The following CACNA2D3 variants were observed in gnomAD, a reference collection of about 807,000 sequenced individuals.
CACNA2D3 encodes the protein calcium voltage-gated channel auxiliary subunit alpha2delta 3, also known as voltage-dependent calcium channel subunit alpha-2/delta-3.
CACNA2D3 carries 60 observed loss-of-function variants against 160.6 expected under a neutral mutation model. The ratio of observed to expected loss-of-function variants is 0.37; its 90% confidence interval spans 0.30 to 0.46. The LOEUF is 0.46. Ranked by LOEUF, CACNA2D3 falls within the 20% of genes least tolerant of loss-of-function variation. The pLI is 1.00. For synonymous variants in CACNA2D3, 558 were observed against 492.9 expected (o/e 1.13, Z -1.75); for missense variants, 1,205 against 1,365.0 (o/e 0.88, Z 1.85).
intron 4 of CACNA2D3, among the ~76,000 whole-genome samples, chr3:54,429,390 C>CCTTTCTTT (rs541014801): frequency 2.6e-5 from 4 of 151,816 alleles, no homozygotes; most frequent in African/African-American, 7.3e-5. Context: ...CTCCTTGTTT[C>CCTTTCTTT]CTTTATTTCT....
rs187715969 is a variant in CACNA2D3, at chr3:54,483,962, G to A, written c.382-19530G>A. ...AGTTGCCCGGAGCAACTCACCTGGA[G>A]TAAGCACTGAAATTGTTCACATCAG... On this transcript the variant is annotated intron_variant, in intron 4 of 37. Coordinates refer to ENST00000474759, the MANE Select transcript of CACNA2D3 (RefSeq NM_018398.3). Among the ~76,000 whole-genome samples the A allele has an allele frequency of 9.8e-5, 15 of 152,316 alleles. No individual in the cohort carries two copies. The East Asian group carries it at 2.9e-3, about 29-fold the overall frequency.
At chr3:55,049,111 G>T (rs989236754) in intron 35 of CACNA2D3, among the ~76,000 whole-genome samples, 1 of 151,738 alleles carries the variant, frequency 6.6e-6, no homozygotes, top group African/African-American at 2.4e-5. Context: ...CTTCCGTTCT[G>T]CTCTGATTTT....
At chr3:54,813,990 C>G (rs59197943) in intron 13 of CACNA2D3, among the ~76,000 whole-genome samples, 6,396 of 151,638 alleles carry the variant, frequency 0.042, 477 homozygotes, top group African/African-American at 0.15. Flanking sequence ...CTCAGCCTCC[C>G]GAGTAGCTGG....
chr3:54,262,041 G>A (rs1047089294), intron 2 of CACNA2D3, among the ~76,000 whole-genome samples: 18 of 152,086 alleles, frequency 1.2e-4, no homozygotes, highest in African/African-American at 4.3e-4. Context: ...TTGGGGGAGG[G>A]AGCAGGAGTT....
chr3:54,423,231 G>A (rs1699864840), intron 4 of CACNA2D3, among the ~76,000 whole-genome samples: 1 of 152,156 alleles, frequency 6.6e-6, no homozygotes, highest in Admixed American at 6.5e-5. Flanking sequence ...CCTTATCTGG[G>A]ATGCTTAGAT....
intron 2 of CACNA2D3, among the ~76,000 whole-genome samples, chr3:54,151,619 G>C (rs1456720276): frequency 2.0e-5 from 3 of 152,182 alleles, no homozygotes; most frequent in Non-Finnish European, 4.4e-5. Context: ...CATGGGGGCA[G>C]TGTGACCCCC....
intron 13 of CACNA2D3, among the ~76,000 whole-genome samples, chr3:54,811,465 C>CTTTTTTTTTTTT (rs71096451): frequency 8.1e-5 from 9 of 111,604 alleles, no homozygotes; most frequent in South Asian, 3.4e-4. Context: ...TCCCTCAGTT[C>CTTTTTTTTTTTT]TTTTTTTTTT....
At chr3:55,007,929 C>A in intron 33 of CACNA2D3, 87 bp downstream of exon 33, 1 of 814,878 alleles carries the variant, frequency 1.2e-6, no homozygotes, top group Non-Finnish European at 1.9e-6. Flanking sequence ...GTGAGTCATG[C>A]CTTCAATAAC....
chr3:54,660,608 C>T (rs1046393530), intron 11 of CACNA2D3, among the ~76,000 whole-genome samples: 3 of 152,204 alleles, frequency 2.0e-5, no homozygotes, highest in Non-Finnish European at 2.9e-5. Context: ...AAACCTGAGG[C>T]TCCCAATGCC....
At chr3:54,380,602 G>T (rs376954847) in intron 3 of CACNA2D3, among the ~76,000 whole-genome samples, 89 of 152,282 alleles carry the variant, frequency 5.8e-4, no homozygotes, top group African/African-American at 1.8e-3. Context: ...GCCAGGCATG[G>T]TAGCGGGCAC....
At chr3:54,756,964 C>A (rs995607505) in intron 12 of CACNA2D3, among the ~76,000 whole-genome samples, 10 of 152,226 alleles carry the variant, frequency 6.6e-5, no homozygotes, top group African/African-American at 2.4e-4. Context: ...GACAAAGCAG[C>A]AAGCCATTTT....
rs4024588 is a variant in CACNA2D3, at chr3:55,008,888, T to TACACACACACACACACACACACAC, written c.2820-486_2820-463dup. Among the ~76,000 whole-genome samples, 1,243 of 142,930 alleles carry TACACACACACACACACACACACAC rather than the reference T, an allele frequency of 8.7e-3. 21 individuals are homozygous for TACACACACACACACACACACACAC. Among genetic ancestry groups the TACACACACACACACACACACACAC allele is most frequent in the Admixed American group, 0.015 (212 of 13,968 alleles). 93.8% of individuals were successfully genotyped at this position (142,930 alleles called of 152,430 possible). ...GAGAAGTCTGTTCCACCTCCCTCTA[T>TACACACACACACACACACACACAC]ACACACACACACACACACACACACA... On this transcript the variant is annotated intron_variant, in intron 33 of 37. Transcript: ENST00000474759.
intron 27 of CACNA2D3, among the ~76,000 whole-genome samples, chr3:54,917,565 C>G (rs189105664): frequency 5.9e-5 from 9 of 152,320 alleles, no homozygotes; most frequent in Admixed American, 5.9e-4. Flanking sequence ...TTGTACAACT[C>G]TATGCACTCT....
intron 5 of CACNA2D3, among the ~76,000 whole-genome samples, chr3:54,550,422 G>A (rs569651938): frequency 5.9e-5 from 9 of 152,308 alleles, no homozygotes; most frequent in Admixed American, 3.3e-4. Context: ...CTGGCACCGC[G>A]TGGCGCAGTG....
chr3:54,992,106 A>G lies in CACNA2D3; in HGVS notation c.2690+4353A>G, dbSNP rs76433798. Among the ~76,000 whole-genome samples the G allele has an allele frequency of 3.3e-5, 5 of 152,268 alleles. No homozygotes were observed. The East Asian group carries it at 9.7e-4, about 30-fold the overall frequency. On this transcript the variant is annotated intron_variant, in intron 31 of 37. Transcript: ENST00000474759. ...GGACCTTTAAAAACACTCCAAGTTC[A>G]AGCTGCAGCCCAAGAAATCGTATAT...
intron 2 of CACNA2D3, among the ~76,000 whole-genome samples, chr3:54,313,887 C>T (rs1703802499): frequency 6.6e-6 from 1 of 151,182 alleles, no homozygotes; most frequent in Non-Finnish European, 1.5e-5. Flanking sequence ...AGCAAGCTTT[C>T]TTTAAATTTT....
intron 11 of CACNA2D3, among the ~76,000 whole-genome samples, chr3:54,718,305 A>G (rs2106980894): frequency 6.6e-6 from 1 of 152,194 alleles, no homozygotes; most frequent in Non-Finnish European, 1.5e-5. Context: ...TTTAAGACAT[A>G]TTTCCCTGCC....
intron 35 of CACNA2D3, among the ~76,000 whole-genome samples, chr3:55,051,786 G>A (rs1023743644): frequency 6.6e-6 from 1 of 152,184 alleles, no homozygotes; most frequent in Admixed American, 6.5e-5. Flanking sequence ...CTCCGAGCCA[G>A]GTGTGGGATA....
intron 12 of CACNA2D3, among the ~76,000 whole-genome samples, chr3:54,755,542 C>T (rs532946174): frequency 2.0e-5 from 3 of 152,212 alleles, no homozygotes; most frequent in African/African-American, 7.2e-5. Context: ...AATTGTGTTT[C>T]GTTCATTGTC....
Sources: gnomAD v4.1 joint callset for allele counts (sites outside exome capture counted in the v4.1 genomes callset) on GRCh38, gnomAD v4.1.1 for gene constraint, MANE v1.5 for transcripts, NCBI Gene and HGNC (gene_info 2026-07-23, HGNC 2026-07-21) for gene names.